XPO5: variants seen among roughly 807,000 people sequenced by gnomAD.
The protein encoded by XPO5 is exportin-5.
Under a neutral mutation model 160.6 loss-of-function variants are expected in XPO5, and 46 were observed. The ratio of observed to expected loss-of-function variants is 0.29; its 90% CI spans 0.23 to 0.37. The LOEUF is 0.37. Among genes scored for constraint, XPO5 ranks in the 10% least tolerant of loss-of-function variants. The pLI is 1.00. For synonymous variants in XPO5, 537 were observed against 519.3 expected (o/e 1.03, Z -0.46); for missense variants, 1,090 against 1,463.9 (o/e 0.74, Z 4.17).
intron 20 of XPO5, chr6:43,539,131 C>T: frequency 8.4e-7 from 1 of 1,189,238 alleles, no homozygotes; most frequent in Admixed American, 1.9e-5. Context: ...GGCGCACCAG[C>T]ACAGAGCCAC....
At chr6:43,531,068 TG>T (rs1329286872) in intron 22 of XPO5, among the ~76,000 whole-genome samples, 1 of 152,236 alleles carries the variant, frequency 6.6e-6, no homozygotes, top group Non-Finnish European at 1.5e-5. Context: ...TTAGCTTGGC[TG>T]ATTAGTGTAG....
At chr6:43,525,649 T>C in intron 28 of XPO5, 190 bp downstream of exon 28, 1 of 605,856 alleles carries the variant, frequency 1.7e-6, no homozygotes, top group Non-Finnish European at 2.9e-6. Context: ...AGCTCCTGCC[T>C]ATGCTGGTAT....
chr6:43,563,551 C>T (rs1425229053), intron 8 of XPO5, among the ~76,000 whole-genome samples: 12 of 152,120 alleles, frequency 7.9e-5, no homozygotes, highest in Admixed American at 5.2e-4. Flanking sequence ...GATTTTATCA[C>T]CATTTGAACA....
chr6:43,568,817 C>T, intron 5 of XPO5, 80 bp from the exon 6 acceptor site: 1 of 1,232,492 alleles, frequency 8.1e-7, no homozygotes, highest in Admixed American at 2.5e-5. Flanking sequence ...CAAATCAATG[C>T]CCTTGAATAA....
chr6:43,547,852 G>A (rs915891775), intron 18 of XPO5, 145 bp from the exon 19 acceptor site: 1 of 621,492 alleles, frequency 1.6e-6, no homozygotes, highest in African/African-American at 1.8e-5. Context: ...ATTGTCAGTT[G>A]TCATTTGAAG....
At chr6:43,553,221 G>A (rs1402573307) in intron 14 of XPO5, among the ~76,000 whole-genome samples, 152 bp downstream of exon 14, 1 of 152,126 alleles carries the variant, frequency 6.6e-6, no homozygotes, top group Non-Finnish European at 1.5e-5. Flanking sequence ...AGGATTGCTT[G>A]AGCCCAGGAG....
chr6:43,526,605 C>T, intron 27 of XPO5, 80 bp downstream of exon 27: 11 of 1,532,604 alleles, frequency 7.2e-6, no homozygotes, highest in Non-Finnish European at 9.9e-6. Context: ...CACCAGACTG[C>T]AAGGAAACTG....
At chr6:43,550,613 T>C (rs548238890) in intron 15 of XPO5, among the ~76,000 whole-genome samples, 9 of 152,364 alleles carry the variant, frequency 5.9e-5, no homozygotes, top group Non-Finnish European at 1.2e-4. Flanking sequence ...ACTACTATGA[T>C]GATGATGCTT....
chr6:43,543,278 A>G (rs1243425695), intron 20 of XPO5, among the ~76,000 whole-genome samples: 1 of 151,916 alleles, frequency 6.6e-6, no homozygotes, highest in Non-Finnish European at 1.5e-5. Flanking sequence ...CATAGAGAGA[A>G]CCTATCTCTA....
At chr6:43,529,172 A>C (rs1793786104) in intron 23 of XPO5, 2 of 1,478,270 alleles carry the variant, frequency 1.4e-6, no homozygotes, top group Non-Finnish European at 1.8e-6. Context: ...CACTGGCCCA[A>C]AAAGTAGGAA....
In XPO5 at chr6:43,524,835, G is replaced by C. The variant is rs779859353; in HGVS notation, c.3308C>G (p.Ala1103Gly). Reference sequence around the variant, plus strand: ...CCCCATGCCTTCCCCACTCACCAGTGCCTCGTATATCTGGAAGGCCAGATG... The same window carrying C: ...CCCCATGCCTTCCCCACTCACCAGTCCCTCGTATATCTGGAAGGCCAGATG... ...LVHLAFQIYEALRPRYLEIRA... is the reference protein window; with the variant it reads ...LVHLAFQIYEGLRPRYLEIRA... The change falls in exon 30 of 32, where the codon GCA (alanine) becomes GGA (glycine). Residue 1103 changes from alanine (A) to glycine (G), a missense_variant. Coordinates refer to ENST00000265351, the MANE Select transcript of XPO5 (RefSeq NM_020750.3). 18 of 1,610,826 alleles carry C rather than the reference G, an allele frequency of 1.1e-5. No homozygotes were observed. The highest frequency in any genetic ancestry group is 1.5e-5 in the Non-Finnish European group (18 of 1,179,302).
chr6:43,558,623 TGA>T, intron 11 of XPO5, 32 bp from the exon 12 acceptor site: 1 of 1,514,064 alleles, frequency 6.6e-7, no homozygotes, highest in Non-Finnish European at 8.9e-7. Flanking sequence ...GGGTAGGGGA[TGA>T]AAGTGGACCC....
chr6:43,547,709 TG>T lies in XPO5; in HGVS notation c.2061-3del, dbSNP rs1582221914. 9.9e-6 allele frequency: 16 copies of T among 1,613,852 alleles called. No homozygotes were observed. The East Asian group carries it at 3.3e-4, about 34-fold the overall frequency. On this transcript the variant is annotated splice_polypyrimidine_tract_variant and splice_region_variant and intron_variant, in intron 18 of 31. Coordinates refer to ENST00000265351, the MANE Select transcript of XPO5 (RefSeq NM_020750.3). ...AAAGCATCAACATCTGACAGCACTC[TG>T]AAGGTTGGAGGGGGAAAAACAAGTT...
intron 17 of XPO5, among the ~76,000 whole-genome samples, chr6:43,549,100 G>A (rs556708453): frequency 1.3e-5 from 2 of 152,058 alleles, no homozygotes; most frequent in African/African-American, 4.8e-5. Context: ...AGTTTCGCTC[G>A]TTGCCCAGGC....
intron 3 of XPO5, among the ~76,000 whole-genome samples, chr6:43,572,251 A>G (rs1763048399): frequency 6.6e-6 from 1 of 152,128 alleles, no homozygotes; most frequent in African/African-American, 2.4e-5. Context: ...TAATTTTTGC[A>G]TTTTTGGTAG....
chr6:43,543,936 C>CA (rs1794839293), intron 20 of XPO5, among the ~76,000 whole-genome samples: 1 of 152,198 alleles, frequency 6.6e-6, no homozygotes, highest in Non-Finnish European at 1.5e-5. Context: ...CTTGGCCTCT[C>CA]ACAGTGCTGG....
chr6:43,529,927 A>AAAAAAG (rs58315355), intron 23 of XPO5, among the ~76,000 whole-genome samples: 2 of 150,586 alleles, frequency 1.3e-5, no homozygotes, highest in African/African-American at 4.9e-5. Context: ...AAAAAAAAAA[A>AAAAAAG]GTGCTTCTAA....
chr6:43,539,572 C>T lies in XPO5; in HGVS notation c.2343-5565G>A, dbSNP rs913073107. 5.2e-6 allele frequency: 7 copies of T among 1,355,062 alleles called. No individual in the cohort carries two copies. The African/African-American group carries it at 9.9e-5, about 19-fold the overall frequency. 83.9% of individuals were successfully genotyped at this position (1,355,062 alleles called of 1,614,324 possible). On this transcript the variant is annotated intron_variant, in intron 20 of 31. Transcript: ENST00000265351. ...CTCCGCGAGCTCCGCGGCCTCAGCC[C>T]CGGCCCGGTCCACGGCTGCGACCCC...
rs1389577653 is a variant in XPO5, at chr6:43,567,887, G to A, written c.649-533C>T. Among the ~76,000 whole-genome samples the A allele has an allele frequency of 1.0e-4, 15 of 149,736 alleles. No individual in the cohort carries two copies. In the East Asian group the frequency reaches 2.5e-3, roughly 25 times the overall value. On this transcript the variant is annotated intron_variant, in intron 6 of 31. Transcript: ENST00000265351. ...GGAGGCTGAAGCTGCAGTGAGCCAC[G>A]TTTGCGTCACTGTACTCTAGCCTGG...
Sources: allele counts gnomAD v4.1 joint callset (sites outside exome capture counted in the v4.1 genomes callset), GRCh38; gene constraint gnomAD v4.1.1; transcripts MANE v1.5; gene names NCBI Gene and HGNC (gene_info 2026-07-23, HGNC 2026-07-21).